Variants in SMOC1 observed in about 807,000 individuals in gnomAD.
SMOC1 encodes SPARC related modular calcium binding 1, also known as SPARC-related modular calcium-binding protein 1.
In SMOC1, 22 loss-of-function variants were observed where a neutral mutation model predicts 56.3. The observed-to-expected ratio is 0.39, with a 90% CI of 0.28 to 0.56. The LOEUF is 0.56. SMOC1 is among the 20% of genes least tolerant of loss of function. SMOC1 has a pLI of 0.61. For synonymous variants in SMOC1, 193 were observed against 215.0 expected, an observed-to-expected ratio of 0.90 and a Z score of 0.89; for missense variants, 509 against 565.4, an observed-to-expected ratio of 0.90 and a Z score of 1.01.
chr14:69,988,950 A>C, intron 5 of SMOC1, among the ~76,000 whole-genome samples: 1 of 152,228 alleles, frequency 6.6e-6, no homozygotes. Context: ...ACCAGTGGAC[A>C]GACATTTGGA....
At chr14:69,929,465 G>A (rs917253612) in intron 1 of SMOC1, among the ~76,000 whole-genome samples, 2 of 152,238 alleles carry the variant, frequency 1.3e-5, no homozygotes, top group Non-Finnish European at 2.9e-5. Flanking sequence ...CGGCAAGTAA[G>A]TCATAGAGCT....
chr14:69,920,949 C>T (rs1003958417), intron 1 of SMOC1, among the ~76,000 whole-genome samples: 3 of 152,124 alleles, frequency 2.0e-5, no homozygotes, highest in African/African-American at 7.2e-5. Context: ...GATGGGGAAC[C>T]CTGCTCTGTG....
chr14:70,020,127 G>GGTTTT (rs897114066), intron 10 of SMOC1, among the ~76,000 whole-genome samples: 2 of 150,032 alleles, frequency 1.3e-5, no homozygotes, highest in Non-Finnish European at 1.5e-5. Context: ...CTAGATCAAG[G>GGTTTT]GTTTTGTTTT....
intron 9 of SMOC1, 120 bp downstream of exon 9, chr14:70,011,687 G>A (rs1213149316): frequency 1.1e-6 from 1 of 931,330 alleles, no homozygotes; most frequent in Non-Finnish European, 1.7e-6. Context: ...GGAGCCAGGA[G>A]CCGTGGGATC....
chr14:69,989,368 A>G (rs1024566842), intron 5 of SMOC1, among the ~76,000 whole-genome samples: 2 of 152,228 alleles, frequency 1.3e-5, no homozygotes, highest in Non-Finnish European at 2.9e-5. Context: ...TATGTTGTCC[A>G]TATTTAAATA....
chr14:69,958,089 A>G lies in SMOC1; in HGVS notation c.378+4557A>G, dbSNP rs186852391. 1.4e-3 allele frequency among the ~76,000 whole-genome samples: 215 copies of G among 152,336 alleles called. 2 individuals are homozygous for G. In the Middle Eastern group the frequency reaches 0.034, roughly 24 times the overall value. ...ACAAATTTTAAATTTTTGGACACAAATACCTTAAACAAAACTAAAAGCAAA... is the reference window on the plus strand; with the variant it reads ...ACAAATTTTAAATTTTTGGACACAAGTACCTTAAACAAAACTAAAAGCAAA... On this transcript the variant is annotated intron_variant, in intron 3 of 11. Transcript: ENST00000361956.
intron 1 of SMOC1, among the ~76,000 whole-genome samples, chr14:69,927,813 C>A (rs1274834936): frequency 1.3e-5 from 2 of 152,342 alleles, no homozygotes; most frequent in East Asian, 3.9e-4. Flanking sequence ...TACTTGACTG[C>A]TCACTTCTGA....
At chr14:69,965,664 T>C (rs1207136591) in intron 3 of SMOC1, among the ~76,000 whole-genome samples, 1 of 152,092 alleles carries the variant, frequency 6.6e-6, no homozygotes, top group Non-Finnish European at 1.5e-5. Context: ...CCATCAGCTG[T>C]GCCATGGGGA....
At chr14:69,891,391 A>G (rs1413421362) in intron 1 of SMOC1, among the ~76,000 whole-genome samples, 1 of 152,220 alleles carries the variant, frequency 6.6e-6, no homozygotes, top group Non-Finnish European at 1.5e-5. Flanking sequence ...TTTTCATAAG[A>G]TATTAAAATA....
intron 5 of SMOC1, 160 bp downstream of exon 5, chr14:69,978,125 G>T: frequency 1.4e-6 from 1 of 709,770 alleles, no homozygotes; most frequent in Admixed American, 2.0e-5. Flanking sequence ...AGCACCCGAG[G>T]TAAGTAAGGC....
intron 1 of SMOC1, among the ~76,000 whole-genome samples, chr14:69,927,657 CA>C (rs1885046068): frequency 1.3e-5 from 2 of 152,100 alleles, no homozygotes; most frequent in African/African-American, 4.8e-5. Context: ...GCTTGGACGA[CA>C]GAGTCAGATT....
intron 10 of SMOC1, among the ~76,000 whole-genome samples, chr14:70,021,796 G>T (rs1885737310): frequency 6.6e-6 from 1 of 152,156 alleles, no homozygotes; most frequent in Non-Finnish European, 1.5e-5. Flanking sequence ...TTGCTGGCTT[G>T]TTCACAGGGG....
intron 1 of SMOC1, among the ~76,000 whole-genome samples, chr14:69,905,302 A>T (rs1884378128): frequency 6.6e-6 from 1 of 152,016 alleles, no homozygotes; most frequent in Non-Finnish European, 1.5e-5. Context: ...GAGGGAACGC[A>T]TGTGCAAAGG....
chr14:69,919,962 A>G (rs1449439736), intron 1 of SMOC1, among the ~76,000 whole-genome samples: 1 of 133,032 alleles, frequency 7.5e-6, no homozygotes, highest in East Asian at 2.6e-4. Context: ...CATACATTGC[A>G]TCTTAACATG....
At chr14:69,911,539 CA>C (rs1251922886) in intron 1 of SMOC1, among the ~76,000 whole-genome samples, 2 of 152,218 alleles carry the variant, frequency 1.3e-5, no homozygotes, top group African/African-American at 4.8e-5. Context: ...TAACCCCTGA[CA>C]ACCAGTGGTC....
At chr14:69,999,508 A>G (rs898528541) in intron 7 of SMOC1, among the ~76,000 whole-genome samples, 1 of 152,228 alleles carries the variant, frequency 6.6e-6, no homozygotes, top group African/African-American at 2.4e-5. Context: ...CACTAACGTT[A>G]GCAGCCGAGG....
intron 3 of SMOC1, among the ~76,000 whole-genome samples, chr14:69,956,865 C>T (rs1883205302): frequency 6.6e-6 from 1 of 152,116 alleles, no homozygotes; most frequent in Non-Finnish European, 1.5e-5. Context: ...TAGGCCATAT[C>T]CCAGACCATT....
At chr14:69,985,242 A>C (rs1884325398) in intron 5 of SMOC1, among the ~76,000 whole-genome samples, 1 of 152,226 alleles carries the variant, frequency 6.6e-6, no homozygotes, top group Non-Finnish European at 1.5e-5. Flanking sequence ...TAGTGTCAAC[A>C]CCAAATGATA....
intron 10 of SMOC1, among the ~76,000 whole-genome samples, chr14:70,017,535 C>G (rs1885561818): frequency 6.6e-6 from 1 of 152,220 alleles, no homozygotes; most frequent in Non-Finnish European, 1.5e-5. Context: ...GTAGTTAAAG[C>G]TGGACATCAG....
Sources: gnomAD v4.1 joint callset for allele counts (sites outside exome capture counted in the v4.1 genomes callset) on GRCh38, gnomAD v4.1.1 for gene constraint, MANE v1.5 for transcripts, NCBI Gene and HGNC (gene_info 2026-07-23, HGNC 2026-07-21) for gene names.